STAT2: variants seen among roughly 807,000 people sequenced by gnomAD.
STAT2 encodes the protein signal transducer and activator of transcription 2.
STAT2 carries 51 observed loss-of-function variants against 122.3 expected under a neutral mutation model. The observed-to-expected ratio is 0.42, with a 90% CI of 0.33 to 0.53. The LOEUF (loss-of-function observed/expected upper bound fraction) is 0.53. Ranked by LOEUF, STAT2 falls within the 20% of genes least tolerant of loss-of-function variation. STAT2 has a pLI of 0.10. For synonymous variants in STAT2, 351 were observed against 394.9 expected (o/e 0.89, Z 1.32); for missense variants, 736 against 1,010.3 (o/e 0.73, Z 3.68).
At chr12:56,359,504 C>A (rs2136104107) in intron 1 of STAT2, among the ~76,000 whole-genome samples, 1 of 148,714 alleles carries the variant, frequency 6.7e-6, no homozygotes, top group East Asian at 1.9e-4. Context: ...AATATGAAAA[C>A]AAAACAAAAA....
intron 8 of STAT2, chr12:56,352,257 T>G (rs1428830495): frequency 2.7e-5 from 4 of 150,394 alleles, no homozygotes; most frequent in Non-Finnish European, 4.4e-5. Context: ...ATAATAATAA[T>G]CAGCAATGTG....
chr12:56,356,605 A>T (rs368506303), intron 1 of STAT2, 27 bp from the exon 2 acceptor site: 3 of 1,611,218 alleles, frequency 1.9e-6, no homozygotes, highest in Non-Finnish European at 2.5e-6. Flanking sequence ...AGGGTTCCCA[A>T]TTGGATATTT....
At chr12:56,345,539 G>A (rs868768676) in intron 22 of STAT2, among the ~76,000 whole-genome samples, 20 of 70,856 alleles carry the variant, frequency 2.8e-4, no homozygotes, top group Admixed American at 1.6e-3. Context: ...ATATATATGC[G>A]GGGTGTGGTG....
At chr12:56,349,983 A>T (rs958233563) in intron 13 of STAT2, 114 bp downstream of exon 13, 3 of 913,668 alleles carry the variant, frequency 3.3e-6, no homozygotes, top group Admixed American at 4.3e-5. Flanking sequence ...CGGGAGGCGG[A>T]GGTTGCTGTG....
chr12:56,355,821 A>G lies in STAT2; in HGVS notation c.286-18T>C. On this transcript the variant is annotated intron_variant, in intron 3 of 23. Transcript: ENST00000314128. ...GAAAAGGGCTAGAATAGGTAAACAGAAAGGATTGATCCAATTCAACCACTC... is the reference window on the plus strand; with the variant it reads ...GAAAAGGGCTAGAATAGGTAAACAGGAAGGATTGATCCAATTCAACCACTC... 1 of 1,609,388 alleles carries G rather than the reference A, an allele frequency of 6.2e-7. No homozygotes were observed. Among genetic ancestry groups the G allele is most frequent in the Non-Finnish European group, 8.5e-7 (1 of 1,175,730 alleles).
intron 13 of STAT2, 161 bp from the exon 14 acceptor site, chr12:56,349,797 C>G (rs1281420955): frequency 6.3e-6 from 6 of 955,942 alleles, no homozygotes; most frequent in Non-Finnish European, 1.6e-6. Context: ...GCCTGTGATC[C>G]CAGCACTTTG....
Position 56,343,255 on chromosome 12 carries a change from A to C in STAT2, c.*134T>G. On this transcript the variant is annotated 3_prime_UTR_variant, in exon 24 of 24. Coordinates refer to ENST00000314128, the MANE Select transcript of STAT2 (RefSeq NM_005419.4). ...TTTCACCTCTCACCCCAATGGAGTCACACAGGCCTGAGTTTGAACAGTTAA... is the reference window on the plus strand; with the variant it reads ...TTTCACCTCTCACCCCAATGGAGTCCCACAGGCCTGAGTTTGAACAGTTAA... 7.8e-7 allele frequency: 1 copy of C among 1,277,286 alleles called. No individual in the cohort carries two copies. Among genetic ancestry groups the C allele is most frequent in the South Asian group, 1.5e-5 (1 of 66,064 alleles). 79.1% of individuals were successfully genotyped at this position (1,277,286 alleles called of 1,614,324 possible).
In STAT2 at chr12:56,346,838, C is replaced by T; in HGVS notation, c.1842G>A (p.Trp614Ter). 6.2e-7 allele frequency: 1 copy of T among 1,614,192 alleles called. No individual in the cohort carries two copies. Among genetic ancestry groups the T allele is most frequent in the Admixed American group, 1.7e-5 (1 of 60,030 alleles). Residue 614 changes from tryptophan to a stop codon, truncating the protein, a stop_gained, in exon 20 of 24, where the codon TGG becomes TGA. Coordinates refer to ENST00000314128, the MANE Select transcript of STAT2 (RefSeq NM_005419.4). LOFTEE classifies it high-confidence loss of function. ...ESSEGGITCSWVEHQDDDKVL... is the reference protein window; with the variant it reads ...ESSEGGITCS The stretch of plus-strand genomic sequence containing the variant: ...GCTGACCATCATCCTGGTGCTCCAC[C>T]CAGGAGCAGGTAATGCCCCCTTCTG...
intron 1 of STAT2, among the ~76,000 whole-genome samples, chr12:56,357,080 G>A (rs1468179491): frequency 7.0e-6 from 1 of 143,608 alleles, no homozygotes; most frequent in Non-Finnish European, 1.5e-5. Flanking sequence ...TCTTTTGCCT[G>A]GGCCGGAGTG....
At position 56,355,298 on chromosome 12, in the gene STAT2, G is replaced by A. The variant is rs765288343; in HGVS notation, c.525C>T (p.Phe175=). 9.9e-6 allele frequency: 16 copies of A among 1,614,046 alleles called. No individual in the cohort carries two copies. The highest frequency in any genetic ancestry group is 4.2e-6 in the Non-Finnish European group (5 of 1,180,044). Residue 175 remains phenylalanine, a synonymous_variant, in exon 6 of 24, where the codon TTC becomes TTT. Coordinates refer to ENST00000314128, the MANE Select transcript of STAT2 (RefSeq NM_005419.4). ...QLKDQQDVFC[F]RYKIQAKGKT... Reference sequence around the variant, plus strand: ...TACCTTTGGCCTGGATCTTATATCGGAAGCAGAAGACATCCTGCTGGTCTT... The same window carrying A: ...TACCTTTGGCCTGGATCTTATATCGAAAGCAGAAGACATCCTGCTGGTCTT...
At chr12:56,343,563 G>T in intron 23 of STAT2, 32 bp from the exon 24 acceptor site, 2 of 1,605,046 alleles carry the variant, frequency 1.2e-6, no homozygotes, top group Non-Finnish European at 8.5e-7. Context: ...GTGAGGCCCC[G>T]ATCTTAGTTA....
intron 2 of STAT2, 44 bp from the exon 3 acceptor site, chr12:56,356,329 C>T: frequency 1.2e-6 from 2 of 1,607,624 alleles, no homozygotes; most frequent in Non-Finnish European, 1.7e-6. Context: ...TGCAGTGTTA[C>T]TGTAGTCCTG....
At chr12:56,359,964 AG>A (rs1214838260) in intron 1 of STAT2, 93 bp downstream of exon 1, 18 of 860,874 alleles carry the variant, frequency 2.1e-5, no homozygotes, top group Non-Finnish European at 2.5e-5. Context: ...TACCCTCTCC[AG>A]GGGGTAACCC....
At chr12:56,350,249 G>GAA (rs371087558) in intron 12 of STAT2, 59 bp from the exon 13 acceptor site, 1,440 of 1,188,922 alleles carry the variant, frequency 1.2e-3, no homozygotes, top group Non-Finnish European at 1.4e-3. Context: ...AAACTCAGCA[G>GAA]AAAAAAAAAA....
intron 22 of STAT2, among the ~76,000 whole-genome samples, chr12:56,345,150 G>A (rs1477835785): frequency 7.1e-6 from 1 of 140,368 alleles, no homozygotes; most frequent in Non-Finnish European, 1.5e-5. Flanking sequence ...CTCCAGCCCG[G>A]GCAATGAGAG....
At chr12:56,355,935 T>C in intron 3 of STAT2, 132 bp from the exon 4 acceptor site, 1 of 1,218,192 alleles carries the variant, frequency 8.2e-7, no homozygotes, top group African/African-American at 1.5e-5. Context: ...CTTTTCACCA[T>C]AGCATCCTCC....
intron 8 of STAT2, among the ~76,000 whole-genome samples, chr12:56,353,708 T>C (rs1168716378): frequency 6.6e-6 from 1 of 151,746 alleles, no homozygotes; most frequent in Non-Finnish European, 1.5e-5. Context: ...TATAATATAC[T>C]GTTGGCCGGG....
At chr12:56,344,226 C>T (rs1877013259) in intron 22 of STAT2, 91 bp from the exon 23 acceptor site, 1 of 1,463,554 alleles carries the variant, frequency 6.8e-7, no homozygotes. Flanking sequence ...TCTAAGAAGG[C>T]AGTAGGGCGG....
chr12:56,349,659 G>C (rs772958117), intron 13 of STAT2, 23 bp from the exon 14 acceptor site: 12 of 1,614,152 alleles, frequency 7.4e-6, no homozygotes, highest in Non-Finnish European at 1.0e-5. Flanking sequence ...GGGAAGGAGA[G>C]AAAATGCCAG....
Sources: allele counts gnomAD v4.1 joint callset (sites outside exome capture counted in the v4.1 genomes callset), GRCh38; gene constraint gnomAD v4.1.1; transcripts MANE v1.5; gene names NCBI Gene and HGNC (gene_info 2026-07-23, HGNC 2026-07-21).